The following AFF4 variants were observed in gnomAD, a reference collection of about 807,000 sequenced individuals.
AFF4 encodes the protein ALF transcription elongation factor 4.
AFF4 carries 13 observed loss-of-function variants against 124.8 expected under a neutral mutation model. The observed-to-expected ratio is 0.10, with a 90% CI of 0.07 to 0.17. The LOEUF (loss-of-function observed/expected upper bound fraction) is 0.17, where lower values mean the gene tolerates loss of function less well. AFF4 is among the 10% of genes least tolerant of loss of function. The pLI is 1.00. For synonymous variants in AFF4, 477 were observed against 496.1 expected, an observed-to-expected ratio of 0.96 and a Z score of 0.51; for missense variants, 1,092 against 1,403.8, an observed-to-expected ratio of 0.78 and a Z score of 3.55.
At chr5:132,930,840 C>T (rs1761281085) in intron 4 of AFF4, among the ~76,000 whole-genome samples, 1 of 150,594 alleles carries the variant, frequency 6.6e-6, no homozygotes, top group African/African-American at 2.4e-5. Context: ...GGCGTGGTGG[C>T]TCATACCTAT....
Position 132,876,869 on chromosome 5 carries a change from G to A in AFF4, c.*4190C>T, listed in dbSNP as rs1329008125. 2.0e-5 allele frequency: 4 copies of A among 196,914 alleles called. No individual in the cohort carries two copies. The highest frequency in any genetic ancestry group is 4.2e-5 in the Non-Finnish European group (4 of 95,100). The allele number at this position is 196,914 out of a possible 1,614,324, so 12.2% of individuals were successfully genotyped here. A position where few individuals can be genotyped will look rare whatever the true frequency, so the allele number is the denominator to read the frequency against. ...CTAAAGTGAATTTCTCCATTAGCGA[G>A]TATCTGAAAGACATGCTCACAAACA... On this transcript the variant is annotated 3_prime_UTR_variant, in exon 21 of 21. Transcript: ENST00000265343.
intron 18 of AFF4, among the ~76,000 whole-genome samples, chr5:132,886,056 G>A (rs1760110839): frequency 6.6e-6 from 1 of 152,170 alleles, no homozygotes; most frequent in Non-Finnish European, 1.5e-5. Context: ...ACAGGCGTGA[G>A]CCACCGAACC....
chr5:132,917,997 C>A (rs904385448), intron 5 of AFF4, among the ~76,000 whole-genome samples: 2 of 150,884 alleles, frequency 1.3e-5, no homozygotes, highest in African/African-American at 4.9e-5. Context: ...GGATTACAGG[C>A]ATGAGCCACC....
At chr5:132,949,532 C>G (rs1177214130) in intron 1 of AFF4, among the ~76,000 whole-genome samples, 1 of 151,914 alleles carries the variant, frequency 6.6e-6, no homozygotes, top group South Asian at 2.1e-4. Context: ...AAAAATTAGG[C>G]CAGGCACGGT....
chr5:132,936,937 A>T, intron 2 of AFF4, 130 bp downstream of exon 2: 2 of 1,247,272 alleles, frequency 1.6e-6, no homozygotes, highest in Non-Finnish European at 2.2e-6. Flanking sequence ...TTCTATGTAA[A>T]GGACAGGAAA....
At chr5:132,936,390 GA>G (rs2150100268) in intron 2 of AFF4, among the ~76,000 whole-genome samples, 1 of 150,614 alleles carries the variant, frequency 6.6e-6, no homozygotes, top group African/African-American at 2.4e-5. Context: ...GTTAGAAGCA[GA>G]AACAAAAATT....
At chr5:132,887,794 G>A (rs1760153234) in intron 16 of AFF4, 52 bp downstream of exon 16, 3 of 1,599,818 alleles carry the variant, frequency 1.9e-6, no homozygotes, top group African/African-American at 2.7e-5. Flanking sequence ...CTTCCTTGAT[G>A]GACCAGAGAA....
intron 1 of AFF4, among the ~76,000 whole-genome samples, chr5:132,954,802 C>T (rs991161126): frequency 2.0e-5 from 3 of 152,250 alleles, no homozygotes; most frequent in Non-Finnish European, 2.9e-5. Context: ...CCGCCTCGGC[C>T]TCCCAAAGTG....
rs1459510119 is a variant in AFF4, at chr5:132,932,172, A to G, written c.963+6T>C. On this transcript the variant is annotated splice_donor_region_variant and intron_variant, in intron 4 of 20. Transcript: ENST00000265343. ...AAATTGAAATGATTTTTTTTAAAAA[A>G]CTTACTTTTAGGATTTCATCCACAC... is the stretch of plus-strand genomic sequence containing the variant. The G allele has an allele frequency of 1.3e-6, 2 of 1,584,158 alleles. No homozygotes were observed. Among genetic ancestry groups the G allele is most frequent in the South Asian group, 1.2e-5 (1 of 85,082 alleles).
intron 1 of AFF4, among the ~76,000 whole-genome samples, chr5:132,944,482 C>T (rs1466038374): frequency 6.6e-6 from 1 of 151,888 alleles, no homozygotes; most frequent in East Asian, 1.9e-4. Flanking sequence ...TCCATCTCTA[C>T]AAAAAATACA....
chr5:132,891,486 G>A (rs1005116950), intron 13 of AFF4, among the ~76,000 whole-genome samples: 1 of 152,128 alleles, frequency 6.6e-6, no homozygotes, highest in Non-Finnish European at 1.5e-5. Context: ...GTACAGCCTT[G>A]AAAAAGCTCC....
chr5:132,876,380 T>C lies in AFF4; in HGVS notation c.*4679A>G, dbSNP rs771131685. 1 of 227,632 alleles carries C rather than the reference T, an allele frequency of 4.4e-6. No individual in the cohort carries two copies. The highest frequency in any genetic ancestry group is 8.7e-6 in the Non-Finnish European group (1 of 114,300). 14.1% of individuals were successfully genotyped at this position (227,632 alleles called of 1,614,324 possible). ...AATTGATATTTTCCAGAGAGGAACATAGCAGGTAGAAAATTCCAATGGTTA... is the reference window on the plus strand; with the variant it reads ...AATTGATATTTTCCAGAGAGGAACACAGCAGGTAGAAAATTCCAATGGTTA... On this transcript the variant is annotated 3_prime_UTR_variant, in exon 21 of 21. Coordinates refer to ENST00000265343, the MANE Select transcript of AFF4 (RefSeq NM_014423.4).
intron 1 of AFF4, 131 bp downstream of exon 1, chr5:132,963,128 T>C (rs935552911): frequency 2.3e-5 from 8 of 343,300 alleles, no homozygotes; most frequent in East Asian, 4.4e-5. Context: ...TGACGCCTGA[T>C]TGAGCAGCCC....
At position 132,882,639 on chromosome 5, in the gene AFF4, G is replaced by A. The variant is rs181359889; in HGVS notation, c.3364+701C>T. ...TGGGAGGCTGAGATGGGCAGATCAC[G>A]AGGTCAGCAGTTCAAGACCAGCCTG... is the stretch of plus-strand genomic sequence containing the variant. On this transcript the variant is annotated intron_variant, in intron 20 of 20. Transcript: ENST00000265343. Among the ~76,000 whole-genome samples the A allele has an allele frequency of 1.0e-3, 153 of 152,044 alleles. 1 individual carries two copies. In the East Asian group the frequency reaches 0.02, roughly 20 times the overall value.
At chr5:132,883,250 CTAAA>C (rs1248219323) in intron 20 of AFF4, 86 bp downstream of exon 20, 6 of 1,209,420 alleles carry the variant, frequency 5.0e-6, no homozygotes, top group East Asian at 2.4e-5. Context: ...AATAATAAAA[CTAAA>C]TACAGACTAA....
chr5:132,928,234 CA>C (rs1761223122), intron 4 of AFF4, among the ~76,000 whole-genome samples: 1 of 150,794 alleles, frequency 6.6e-6, no homozygotes, highest in Non-Finnish European at 1.5e-5. Context: ...AACAAAAAAA[CA>C]AACAAAAAAA....
At chr5:132,909,895 G>C (rs1044446079) in intron 5 of AFF4, among the ~76,000 whole-genome samples, 1 of 152,212 alleles carries the variant, frequency 6.6e-6, no homozygotes, top group African/African-American at 2.4e-5. Context: ...GAGGGAAGGA[G>C]ATGGGGAGGA....
chr5:132,955,825 C>T (rs1273765713), intron 1 of AFF4, among the ~76,000 whole-genome samples: 4 of 138,516 alleles, frequency 2.9e-5, no homozygotes, highest in Admixed American at 1.5e-4. Context: ...CACACACACA[C>T]ACAAAATATA....
intron 5 of AFF4, among the ~76,000 whole-genome samples, chr5:132,924,185 C>T (rs1196353499): frequency 3.3e-5 from 5 of 151,852 alleles, no homozygotes; most frequent in African/African-American, 7.3e-5. Context: ...ACCCAGGAGG[C>T]GGAGGTTGCA....
Sources: allele counts gnomAD v4.1 joint callset (sites outside exome capture counted in the v4.1 genomes callset), GRCh38; gene constraint gnomAD v4.1.1; transcripts MANE v1.5; gene names NCBI Gene and HGNC (gene_info 2026-07-23, HGNC 2026-07-21).